ANKRD6: variants seen among roughly 807,000 people sequenced by gnomAD.
The protein encoded by ANKRD6 is ankyrin repeat domain 6.
Under a neutral mutation model 82.3 loss-of-function variants are expected in ANKRD6, and 56 were observed. That is an observed-to-expected ratio of 0.68 (90% CI 0.55 to 0.85). The LOEUF (loss-of-function observed/expected upper bound fraction) is 0.85. ANKRD6 is among the 40% of genes least tolerant of loss of function. ANKRD6 has a pLI of 0.00. For synonymous variants in ANKRD6, 347 were observed against 352.1 expected, an observed-to-expected ratio of 0.99 and a Z score of 0.16; for missense variants, 852 against 907.6, an observed-to-expected ratio of 0.94 and a Z score of 0.79.
rs1788669145 is a variant in ANKRD6, at chr6:89,567,020, T to TCGTAGCTG, written c.49_56dup (p.Tyr19Ter). The TCGTAGCTG allele has an allele frequency of 6.2e-7, 1 of 1,606,054 alleles. No homozygotes were observed. The highest frequency in any genetic ancestry group is 1.1e-5 in the South Asian group (1 of 89,088). Reference sequence around the variant, plus strand: ...GTCGCTGCACTTTCAGAGCGCCTTCTCGTAGCTGCGTACAAAGGCCAAACA... The same window carrying TCGTAGCTG: ...GTCGCTGCACTTTCAGAGCGCCTTCTCGTAGCTGCGTAGCTGCGTACAAAGGCCAAACA... On this transcript the variant is annotated frameshift_variant, in exon 2 of 16. Coordinates refer to ENST00000339746, the MANE Select transcript of ANKRD6 (RefSeq NM_001242809.2). LOFTEE classifies it high-confidence loss of function.
rs1472065218 is a variant in ANKRD6 at position 89,493,912 on chromosome 6, C to G, written c.-144+60537C>G. 2.0e-5 allele frequency among the ~76,000 whole-genome samples: 3 copies of G among 152,194 alleles called. No individual in the cohort carries two copies. In the East Asian group the frequency reaches 5.8e-4, roughly 29 times the overall value. ...AGTTGACATAACTTTTTGGGGGCCA[C>G]TGTTCAACCCACTACAATTGTTAAA... On this transcript the variant is annotated intron_variant, in intron 1 of 15. Transcript: ENST00000339746.
chr6:89,567,947 T>A (rs149000153), intron 2 of ANKRD6, among the ~76,000 whole-genome samples: 1 of 152,234 alleles, frequency 6.6e-6, no homozygotes, highest in African/African-American at 2.4e-5. Context: ...TTAATTTTCA[T>A]AGAAGGTCAC....
chr6:89,542,683 G>A (rs752778620), intron 1 of ANKRD6, among the ~76,000 whole-genome samples: 4 of 152,138 alleles, frequency 2.6e-5, no homozygotes, highest in South Asian at 4.1e-4. Context: ...AAGACAAGTC[G>A]GGGTTAAAGT....
At chr6:89,495,651 G>A (rs1400918210) in intron 1 of ANKRD6, among the ~76,000 whole-genome samples, 3 of 152,140 alleles carry the variant, frequency 2.0e-5, no homozygotes, top group African/African-American at 7.2e-5. Context: ...TCTACTACGG[G>A]ATGAGAAAGT....
At chr6:89,463,274 A>G (rs1039634357) in intron 1 of ANKRD6, among the ~76,000 whole-genome samples, 1 of 152,070 alleles carries the variant, frequency 6.6e-6, no homozygotes, top group Non-Finnish European at 1.5e-5. Context: ...TAATTTTTTT[A>G]AAACAATTTT....
At chr6:89,567,636 T>G (rs1202471195) in intron 2 of ANKRD6, among the ~76,000 whole-genome samples, 1 of 152,250 alleles carries the variant, frequency 6.6e-6, no homozygotes, top group Non-Finnish European at 1.5e-5. Context: ...GAGACCATAC[T>G]GGCCAAAGGC....
At chr6:89,615,474 T>G (rs1801331930) in intron 7 of ANKRD6, among the ~76,000 whole-genome samples, 1 of 152,168 alleles carries the variant, frequency 6.6e-6, no homozygotes, top group South Asian at 2.1e-4. Flanking sequence ...TCACGGCACT[T>G]GAGAGCTTTA....
At chr6:89,521,966 T>C (rs1180479243) in intron 1 of ANKRD6, among the ~76,000 whole-genome samples, 1 of 152,228 alleles carries the variant, frequency 6.6e-6, no homozygotes, top group Admixed American at 6.5e-5. Context: ...TTATAACCTA[T>C]ACTTTGAATA....
intron 1 of ANKRD6, among the ~76,000 whole-genome samples, chr6:89,544,437 C>T (rs544674662): frequency 4.6e-5 from 7 of 152,334 alleles, no homozygotes; most frequent in Admixed American, 2.0e-4. Context: ...GAGTCCTGTC[C>T]GGGCACAGTG....
intron 1 of ANKRD6, among the ~76,000 whole-genome samples, chr6:89,439,190 A>G (rs1771038319): frequency 6.6e-6 from 1 of 152,200 alleles, no homozygotes; most frequent in African/African-American, 2.4e-5. Flanking sequence ...CCAACCATGT[A>G]GAGAATTGTA....
chr6:89,519,575 G>A (rs1383741076), intron 1 of ANKRD6, among the ~76,000 whole-genome samples: 1 of 152,232 alleles, frequency 6.6e-6, no homozygotes, highest in East Asian at 1.9e-4. Flanking sequence ...GAGTTGAGGT[G>A]CTGCTTTGAA....
At chr6:89,582,818 G>C (rs1320988500) in intron 2 of ANKRD6, among the ~76,000 whole-genome samples, 1 of 152,156 alleles carries the variant, frequency 6.6e-6, no homozygotes, top group South Asian at 2.1e-4. Flanking sequence ...TGTAAAATCA[G>C]CATAACAGCA....
At chr6:89,522,093 C>T (rs1402979873) in intron 1 of ANKRD6, among the ~76,000 whole-genome samples, 2 of 152,156 alleles carry the variant, frequency 1.3e-5, no homozygotes. Flanking sequence ...ATACATAAAC[C>T]TGAGGCCTGT....
intron 1 of ANKRD6, among the ~76,000 whole-genome samples, chr6:89,437,200 C>T (rs1254704231): frequency 2.0e-5 from 3 of 152,060 alleles, no homozygotes; most frequent in Admixed American, 6.6e-5. Flanking sequence ...TCCTACCTAC[C>T]CCCACCCCAT....
chr6:89,446,632 C>T (rs1362453307), intron 1 of ANKRD6, among the ~76,000 whole-genome samples: 3 of 151,708 alleles, frequency 2.0e-5, no homozygotes, highest in African/African-American at 7.3e-5. Flanking sequence ...CTTGTAATCC[C>T]AGCACGTTAG....
chr6:89,628,998 CCTCAA>C (rs1325574409), intron 14 of ANKRD6, 109 bp from the exon 15 acceptor site: 2 of 1,211,510 alleles, frequency 1.7e-6, no homozygotes, highest in African/African-American at 1.5e-5. Context: ...TAGATGGTAT[CCTCAA>C]CTGTTATAAT....
At chr6:89,621,859 G>A in intron 9 of ANKRD6, 63 bp from the exon 10 acceptor site, 1 of 1,518,028 alleles carries the variant, frequency 6.6e-7, no homozygotes, top group Non-Finnish European at 9.1e-7. Context: ...GGTCCAAGGA[G>A]AATTCTCTCA....
chr6:89,618,758 C>A (rs888635597), intron 9 of ANKRD6, among the ~76,000 whole-genome samples: 4 of 151,932 alleles, frequency 2.6e-5, no homozygotes, highest in African/African-American at 9.7e-5. Context: ...TCCTTTTATC[C>A]TATTATAAAA....
At chr6:89,624,782 C>G in intron 13 of ANKRD6, 91 bp downstream of exon 13, 1 of 1,425,782 alleles carries the variant, frequency 7.0e-7, no homozygotes, top group South Asian at 1.4e-5. Context: ...ACCCTTCCAC[C>G]CTGGGAGTGT....
Sources: gnomAD v4.1 joint callset for allele counts (sites outside exome capture counted in the v4.1 genomes callset) on GRCh38, gnomAD v4.1.1 for gene constraint, MANE v1.5 for transcripts, NCBI Gene and HGNC (gene_info 2026-07-23, HGNC 2026-07-21) for gene names.